LRP1B: variants seen among roughly 807,000 people sequenced by gnomAD.
LRP1B encodes the protein LDL receptor related protein 1B.
LRP1B carries 217 observed loss-of-function variants against 556.6 expected under a neutral mutation model. That is an observed-to-expected ratio of 0.39 (90% CI 0.35 to 0.44). The LOEUF (loss-of-function observed/expected upper bound fraction) is 0.44, where lower values mean the gene tolerates loss of function less well. Among genes scored for constraint, LRP1B ranks in the 20% least tolerant of loss-of-function variants. The pLI is 1.00. For synonymous variants in LRP1B, 2,047 were observed against 1,865.8 expected (o/e 1.10, Z -2.50); for missense variants, 5,053 against 5,620.8 (o/e 0.90, Z 3.23).
chr2:141,175,618 C>A (rs1380604351), intron 7 of LRP1B, among the ~76,000 whole-genome samples: 5 of 152,178 alleles, frequency 3.3e-5, no homozygotes, highest in Non-Finnish European at 7.4e-5. Flanking sequence ...AAGTCTGCTG[C>A]AGGACTGGAG....
At chr2:140,505,367 C>T (rs1689365712) in intron 53 of LRP1B, among the ~76,000 whole-genome samples, 2 of 152,134 alleles carry the variant, frequency 1.3e-5, no homozygotes, top group Admixed American at 1.3e-4. Flanking sequence ...ACACACCACG[C>T]TCTCTAGCAT....
intron 32 of LRP1B, among the ~76,000 whole-genome samples, chr2:140,781,803 C>T (rs1689707879): frequency 6.6e-6 from 1 of 152,220 alleles, no homozygotes; most frequent in Non-Finnish European, 1.5e-5. Context: ...GCACAGCCCA[C>T]ACTGATACTT....
chr2:140,538,859 T>G (rs1295480786), intron 45 of LRP1B, among the ~76,000 whole-genome samples: 3 of 152,090 alleles, frequency 2.0e-5, no homozygotes, highest in African/African-American at 7.2e-5. Context: ...TTTTAATCTT[T>G]TATAATCTTA....
chr2:140,538,438 G>C (rs908169462), intron 45 of LRP1B, among the ~76,000 whole-genome samples: 1 of 152,004 alleles, frequency 6.6e-6, no homozygotes, highest in Non-Finnish European at 1.5e-5. Context: ...CATGAGCATC[G>C]AATGTTTAGC....
intron 35 of LRP1B, among the ~76,000 whole-genome samples, chr2:140,754,035 T>C (rs2104901210): frequency 6.6e-6 from 1 of 152,246 alleles, no homozygotes; most frequent in South Asian, 2.1e-4. Flanking sequence ...GCTAACATCC[T>C]GCCTACTGCC....
chr2:140,545,335 G>A (rs1370685004), intron 43 of LRP1B, among the ~76,000 whole-genome samples: 1 of 151,808 alleles, frequency 6.6e-6, no homozygotes, highest in Admixed American at 6.6e-5. Flanking sequence ...ATTGCTTTTG[G>A]TGCCTTTGTC....
At chr2:141,472,686 C>A (rs1682522258) in intron 3 of LRP1B, among the ~76,000 whole-genome samples, 1 of 152,078 alleles carries the variant, frequency 6.6e-6, no homozygotes, top group Non-Finnish European at 1.5e-5. Flanking sequence ...TCATTTGAAA[C>A]CACTATTGTC....
At position 141,458,391 on chromosome 2, in the gene LRP1B, G is replaced by A. The variant is rs145406985; in HGVS notation, c.343+22005C>T. 9.6e-4 allele frequency among the ~76,000 whole-genome samples: 146 copies of A among 152,266 alleles called. 1 individual carries two copies. The highest frequency in any genetic ancestry group is 3.4e-3 in the Middle Eastern group (1 of 294). ...AATCAAGGTGAATGAGCTCTGAAAA[G>A]CGACTGCTTTTGCCAATTCATTGTC... On this transcript the variant is annotated intron_variant, in intron 3 of 90. Transcript: ENST00000389484.
At chr2:142,065,795 G>A (rs1201214434) in intron 1 of LRP1B, among the ~76,000 whole-genome samples, 2 of 151,036 alleles carry the variant, frequency 1.3e-5, no homozygotes, top group South Asian at 2.1e-4. Flanking sequence ...TTACAGCATC[G>A]ACTCAAAATC....
chr2:140,690,345 C>T (rs569652596), intron 41 of LRP1B, among the ~76,000 whole-genome samples: 17 of 152,080 alleles, frequency 1.1e-4, no homozygotes, highest in East Asian at 5.8e-4. Flanking sequence ...ATCACTCTTC[C>T]GGGTCTAACC....
At chr2:140,629,492 A>T (rs1683801234) in intron 41 of LRP1B, among the ~76,000 whole-genome samples, 1 of 149,204 alleles carries the variant, frequency 6.7e-6, no homozygotes, top group African/African-American at 2.5e-5. Flanking sequence ...TTATGTATTC[A>T]AATGTCAAAT....
intron 1 of LRP1B, among the ~76,000 whole-genome samples, chr2:142,028,965 C>T (rs1703599151): frequency 6.6e-6 from 1 of 151,840 alleles, no homozygotes; most frequent in Admixed American, 6.6e-5. Context: ...TTGCCTTCTT[C>T]AGTGAAGTGA....
chr2:140,963,284 T>G (rs891409784), intron 18 of LRP1B, among the ~76,000 whole-genome samples: 1 of 151,698 alleles, frequency 6.6e-6, no homozygotes, highest in Non-Finnish European at 1.5e-5. Context: ...TATTCCCACT[T>G]GAGAAAAGAA....
At chr2:141,817,600 G>A (rs1023801663) in intron 1 of LRP1B, among the ~76,000 whole-genome samples, 2 of 152,018 alleles carry the variant, frequency 1.3e-5, no homozygotes, top group Non-Finnish European at 2.9e-5. Context: ...TTAAAATCAA[G>A]ATGAACTGCT....
chr2:141,355,350 C>A (rs1314260689), intron 3 of LRP1B, among the ~76,000 whole-genome samples: 2 of 151,904 alleles, frequency 1.3e-5, no homozygotes, highest in Non-Finnish European at 2.9e-5. Flanking sequence ...ATAAAGTGTA[C>A]AATTCCCTGG....
At position 140,989,651 on chromosome 2, in the gene LRP1B, T is replaced by A. The variant is rs745585919; in HGVS notation, c.2651A>T (p.His884Leu). 6.2e-7 allele frequency: 1 copy of A among 1,612,662 alleles called. No individual in the cohort carries two copies. Among genetic ancestry groups the A allele is most frequent in the Non-Finnish European group, 8.5e-7 (1 of 1,179,108 alleles). The change falls in exon 17 of 91, where the codon CAT becomes CTT. Residue 884 changes from histidine (H) to leucine (L), a missense_variant. Coordinates refer to ENST00000389484, the MANE Select transcript of LRP1B (RefSeq NM_018557.3). ...SDEDSVNCFN[H>L]SCPDDQFKCQ... Reference sequence around the variant, plus strand: ...TTTAAACTGATCATCAGGACAGCTATGATTGACTGGGAGGGAGGGGGAAGC... The same window carrying A: ...TTTAAACTGATCATCAGGACAGCTAAGATTGACTGGGAGGGAGGGGGAAGC...
At chr2:141,660,050 G>A (rs1381874840) in intron 2 of LRP1B, among the ~76,000 whole-genome samples, 3 of 152,118 alleles carry the variant, frequency 2.0e-5, no homozygotes, top group Non-Finnish European at 2.9e-5. Flanking sequence ...AAGGGCCAAC[G>A]AGAGACAGCT....
chr2:140,587,116 G>T (rs1574110375), intron 43 of LRP1B, among the ~76,000 whole-genome samples: 1 of 152,088 alleles, frequency 6.6e-6, no homozygotes, highest in Non-Finnish European at 1.5e-5. Flanking sequence ...AATGGAAGAT[G>T]TGTCAGTAAA....
intron 2 of LRP1B, among the ~76,000 whole-genome samples, chr2:141,708,093 G>C (rs140486624): frequency 0.013 from 1,906 of 152,132 alleles, 23 homozygotes; most frequent in Non-Finnish European, 0.02. Flanking sequence ...AAGGACAAAA[G>C]AAAATATAAT....
Sources: gnomAD v4.1 joint callset for allele counts (sites outside exome capture counted in the v4.1 genomes callset) on GRCh38, gnomAD v4.1.1 for gene constraint, MANE v1.5 for transcripts, NCBI Gene and HGNC (gene_info 2026-07-23, HGNC 2026-07-21) for gene names.